MTMR14: variants seen among roughly 807,000 people sequenced by gnomAD.
MTMR14 encodes the protein myotubularin related protein 14.
MTMR14 carries 48 observed loss-of-function variants against 86.3 expected under a neutral mutation model. That is an observed-to-expected ratio of 0.56 (90% CI 0.44 to 0.71). MTMR14 has a LOEUF of 0.71. MTMR14 is among the 30% of genes least tolerant of loss of function. MTMR14 has a pLI of 0.00. For synonymous variants in MTMR14, 366 were observed against 326.1 expected, an observed-to-expected ratio of 1.12 and a Z score of -1.32; for missense variants, 780 against 834.6, an observed-to-expected ratio of 0.93 and a Z score of 0.81.
chr3:9,654,323 G>T (rs1239400097), intron 2 of MTMR14, among the ~76,000 whole-genome samples: 2 of 152,144 alleles, frequency 1.3e-5, no homozygotes, highest in South Asian at 4.1e-4. Context: ...TTAGAAAGTG[G>T]TAGTGCAGTC....
Position 9,687,880 on chromosome 3 carries a change from G to A in MTMR14, c.1224G>A (p.Leu408=), listed in dbSNP as rs762967208. The change falls in exon 14 of 19, where the codon CTG becomes CTA. Residue 408 remains leucine (L), a synonymous_variant. Coordinates refer to ENST00000296003, the MANE Select transcript of MTMR14 (RefSeq NM_001077525.3). The part of the protein sequence containing the change: ...KHITSEEFSA[L]KTQRRKSLPA... ...TTACCTCCGAGGAGTTCTCTGCTCT[G>A]AAGACCCAGAGGTAAGTGGAGGCCT... The A allele has an allele frequency of 6.3e-7, 1 of 1,588,154 alleles. No homozygotes were observed. Among genetic ancestry groups the A allele is most frequent in the Non-Finnish European group, 8.6e-7 (1 of 1,164,960 alleles).
chr3:9,659,863 C>T (rs937658809), intron 2 of MTMR14: 5 of 456,022 alleles, frequency 1.1e-5, no homozygotes, highest in African/African-American at 1.0e-4. Context: ...ATGTGTCCTC[C>T]ACCAGGGGTG....
Position 9,677,888 on chromosome 3 carries a change from C to A in MTMR14, c.823-96C>A, listed in dbSNP as rs1419064311. The A allele has an allele frequency of 6.4e-6, 7 of 1,087,960 alleles. No individual in the cohort carries two copies. The highest frequency in any genetic ancestry group is 9.6e-6 in the Non-Finnish European group (7 of 727,546). The allele number at this position is 1,087,960 out of a possible 1,614,324, so 67.4% of individuals were successfully genotyped here. On this transcript the variant is annotated intron_variant, in intron 8 of 18. Transcript: ENST00000296003. This position sits in a 1 kb window ranked among gnomAD's most constrained non-coding sequence, Gnocchi z 4.2. The stretch of plus-strand genomic sequence containing the variant: ...CTGGCCCAGAGAAGGCAAGCACTGC[C>A]TGTGGTAGTCACAGCCTCAGGACTG...
chr3:9,668,334 TTTC>T (rs2048369128), intron 3 of MTMR14, among the ~76,000 whole-genome samples: 1 of 152,212 alleles, frequency 6.6e-6, no homozygotes, highest in Non-Finnish European at 1.5e-5. Context: ...CTGTTTTTCT[TTTC>T]TTCATCTGTG....
chr3:9,663,642 T>C (rs1487851576), intron 3 of MTMR14, among the ~76,000 whole-genome samples: 3 of 149,456 alleles, frequency 2.0e-5, no homozygotes, highest in African/African-American at 7.4e-5. Flanking sequence ...GCCTCCCGAG[T>C]AGCTGGGACT....
Position 9,677,175 on chromosome 3 carries a change from C to A in MTMR14, c.752-142C>A, listed in dbSNP as rs911955834. ...TTTTGCCCACCCGTGTCAGCCTTGG[C>A]CTCACTGAAGCCACTAGCTTGGAGA... On this transcript the variant is annotated intron_variant, in intron 7 of 18. Transcript: ENST00000296003. The surrounding 1 kb of genome is among the most constrained non-coding windows in gnomAD (Gnocchi z 4.2). 25 of 720,688 alleles carry A rather than the reference C, an allele frequency of 3.5e-5. No homozygotes were observed. The highest frequency in any genetic ancestry group is 5.8e-5 in the Non-Finnish European group (24 of 413,614). The allele number at this position is 720,688 out of a possible 1,614,324, so 44.6% of individuals were successfully genotyped here. A position where few individuals can be genotyped will look rare whatever the true frequency, so the allele number is the denominator to read the frequency against.
At chr3:9,678,796 C>T (rs759589199) in intron 9 of MTMR14, among the ~76,000 whole-genome samples, 7 of 152,196 alleles carry the variant, frequency 4.6e-5, no homozygotes, top group Non-Finnish European at 1.0e-4. Context: ...CTGGGCACAT[C>T]CATCATGGAA....
chr3:9,697,012 TCCTC>T (rs1427544012), intron 17 of MTMR14, among the ~76,000 whole-genome samples: 1 of 151,982 alleles, frequency 6.6e-6, no homozygotes, highest in South Asian at 2.1e-4. Flanking sequence ...ACAACCTTCT[TCCTC>T]CCACCCCCAA....
Position 9,677,340 on chromosome 3 carries a change from A to G in MTMR14, c.775A>G (p.Lys259Glu), listed in dbSNP as rs2125193865. 2 of 1,614,112 alleles carry G rather than the reference A, an allele frequency of 1.2e-6. No individual in the cohort carries two copies. Among genetic ancestry groups the G allele is most frequent in the Non-Finnish European group, 1.7e-6 (2 of 1,179,976 alleles). Residue 259 changes from lysine to glutamate, a missense_variant, in exon 8 of 19, where the codon AAA (lysine) becomes GAA (glutamate). By Grantham distance (56) the Lys-to-Glu change is moderately conservative (BLOSUM62 1). Coordinates refer to ENST00000296003, the MANE Select transcript of MTMR14 (RefSeq NM_001077525.3). The surrounding 1 kb of genome is among the most constrained non-coding windows in gnomAD (Gnocchi z 4.2). ...AGGCTGTGAATTTTTCAAGGAATAT[A>G]AAGATCGGGATTACATGGCAGAAGG... is the stretch of plus-strand genomic sequence containing the variant. ...YPGCEFFKEY[K>E]DRDYMAEGLI...
intron 3 of MTMR14, among the ~76,000 whole-genome samples, chr3:9,662,681 A>G (rs940592741): frequency 4.6e-5 from 7 of 152,204 alleles, no homozygotes; most frequent in African/African-American, 1.4e-4. Context: ...ATTAAGAATA[A>G]TAATCACCTA....
At chr3:9,692,144 A>G (rs1408894257) in intron 17 of MTMR14, among the ~76,000 whole-genome samples, 1 of 152,048 alleles carries the variant, frequency 6.6e-6, no homozygotes, top group Non-Finnish European at 1.5e-5. Context: ...TTAATGTGGT[A>G]GGAGAAGCTG....
Position 9,669,488 on chromosome 3 carries a change from C to T in MTMR14, c.550C>T (p.Leu184Phe). 6.2e-7 allele frequency: 1 copy of T among 1,613,118 alleles called. No individual in the cohort carries two copies. ...GGACGTCACGGAGGAGGACTGTGCT[C>T]TTCGGTCAGTGCTGGGTTGCTGTGG... ...VEDVTEEDCALRSGDTHLFDK... is the reference protein window; with the variant it reads ...VEDVTEEDCAFRSGDTHLFDK... Residue 184 changes from leucine (L) to phenylalanine (F), a missense_variant, in exon 5 of 19, where the codon CTT becomes TTT. Physicochemically the swap from Leu to Phe is conservative, Grantham distance 22 (BLOSUM62 0). Transcript: ENST00000296003.
intron 17 of MTMR14, among the ~76,000 whole-genome samples, chr3:9,693,323 C>T (rs1236171764): frequency 6.6e-6 from 1 of 152,104 alleles, no homozygotes; most frequent in Admixed American, 6.5e-5. Context: ...TGATTTAAAG[C>T]ATATGGGAGG....
chr3:9,667,356 A>G (rs1295411946), intron 3 of MTMR14, among the ~76,000 whole-genome samples: 1 of 152,206 alleles, frequency 6.6e-6, no homozygotes, highest in Non-Finnish European at 1.5e-5. Context: ...AAGGGCTTTT[A>G]ACGGGGTCTG....
intron 16 of MTMR14, among the ~76,000 whole-genome samples, chr3:9,689,388 C>CG (rs1320505666): frequency 1.3e-5 from 2 of 151,982 alleles, no homozygotes; most frequent in African/African-American, 4.8e-5. Flanking sequence ...TATCATTTGT[C>CG]GGGGAGATAG....
intron 5 of MTMR14, 51 bp downstream of exon 5, chr3:9,669,543 T>C: frequency 6.4e-7 from 1 of 1,562,454 alleles, no homozygotes; most frequent in Non-Finnish European, 8.8e-7. Context: ...ATGGGGTGTC[T>C]GGCCAGAGAT....
chr3:9,689,019 C>T lies in MTMR14; in HGVS notation c.1370C>T (p.Thr457Ile), dbSNP rs2076055604. 1 of 1,613,950 alleles carries T rather than the reference C, an allele frequency of 6.2e-7. No homozygotes were observed. Residue 457 changes from threonine to isoleucine, a missense_variant, in exon 16 of 19, where the codon ACT (threonine) becomes ATT (isoleucine). Thr to Ile is a moderately conservative substitution (Grantham distance 89, BLOSUM62 -1). Coordinates refer to ENST00000296003, the MANE Select transcript of MTMR14 (RefSeq NM_001077525.3). ...SLVMESSPGA[T>I]GSFTYEAVEL... ...GTCATGGAGAGTTCCCCAGGAGCCA[C>T]TGGGAGCTTCACCTATGAGGCCGTG...
In MTMR14 at chr3:9,677,852, A is replaced by G; in HGVS notation, c.823-132A>G. On this transcript the variant is annotated intron_variant, in intron 8 of 18. Transcript: ENST00000296003. The surrounding 1 kb of genome is among the most constrained non-coding windows in gnomAD (Gnocchi z 4.2). ...GATTTTTAAGCTGTCACTCCCAGGT[A>G]GCACAGGTATCTGGCCCAGAGAAGG... is the stretch of plus-strand genomic sequence containing the variant. The G allele has an allele frequency of 1.4e-6, 1 of 721,222 alleles. No individual in the cohort carries two copies. Among genetic ancestry groups the G allele is most frequent in the South Asian group, 1.7e-5 (1 of 57,408 alleles). The allele number at this position is 721,222 out of a possible 1,614,324, so 44.7% of individuals were successfully genotyped here. A position where few individuals can be genotyped will look rare whatever the true frequency, so the allele number is the denominator to read the frequency against.
intron 3 of MTMR14, among the ~76,000 whole-genome samples, chr3:9,664,720 TAG>T (rs1296455730): frequency 6.6e-6 from 1 of 151,934 alleles, no homozygotes; most frequent in African/African-American, 2.4e-5. Flanking sequence ...CTCATGAAGA[TAG>T]AGAGTAGAGT....
Sources: gnomAD v4.1 joint callset for allele counts (sites outside exome capture counted in the v4.1 genomes callset) on GRCh38, gnomAD v4.1.1 for gene constraint, Gnocchi (gnomAD v3.1) non-coding constraint, MANE v1.5 for transcripts, NCBI Gene and HGNC (gene_info 2026-07-23, HGNC 2026-07-21) for gene names.